Variants in LARGE1 observed in about 807,000 individuals in gnomAD.
The protein encoded by LARGE1 is LARGE xylosyl- and glucuronyltransferase 1, also known as xylosyl- and glucuronyltransferase LARGE1.
LARGE1 carries 43 observed loss-of-function variants against 87.6 expected under a neutral mutation model. The ratio of observed to expected loss-of-function variants is 0.49; its 90% CI spans 0.38 to 0.63. LARGE1 has a LOEUF of 0.63. Ranked by LOEUF, LARGE1 falls within the 30% of genes least tolerant of loss-of-function variation. LARGE1 has a pLI of 0.00. For missense variants in LARGE1, 802 were observed against 1,000.2 expected (o/e 0.80, Z 2.67); for synonymous variants, 434 against 394.6 (o/e 1.10, Z -1.18).
intron 10 of LARGE1, among the ~76,000 whole-genome samples, chr22:33,327,693 C>T (rs796159030): frequency 3.3e-5 from 5 of 152,242 alleles, no homozygotes; most frequent in African/African-American, 7.2e-5. Context: ...GTAGCTAGGA[C>T]CACAGGCATG....
chr22:33,348,280 A>ACCCC (rs11327050), intron 9 of LARGE1, among the ~76,000 whole-genome samples: 34 of 100,860 alleles, frequency 3.4e-4, no homozygotes, highest in Non-Finnish European at 4.7e-4. Context: ...TCCCCCACCC[A>ACCCC]CCCCCCCCCA....
the LARGE1 span, among the ~76,000 whole-genome samples, chr22:33,079,373 G>A: frequency 5.9e-5 from 9 of 151,474 alleles, no homozygotes; most frequent in Non-Finnish European, 1.0e-4. Flanking sequence ...GACTACAGGC[G>A]CCCGCCACCA....
At chr22:33,740,302 T>C (rs2083831453) in intron 2 of LARGE1, among the ~76,000 whole-genome samples, 1 of 152,360 alleles carries the variant, frequency 6.6e-6, no homozygotes, top group Admixed American at 6.5e-5. Context: ...CCGGCATACA[T>C]ACTTCTATTA....
chr22:33,498,834 G>A (rs1292679191), intron 6 of LARGE1, among the ~76,000 whole-genome samples: 1 of 152,048 alleles, frequency 6.6e-6, no homozygotes, highest in Non-Finnish European at 1.5e-5. Flanking sequence ...AGCCGGGAGT[G>A]GTGGCGGGGG....
intron 6 of LARGE1, among the ~76,000 whole-genome samples, chr22:33,527,874 G>A (rs1347059324): frequency 6.6e-6 from 1 of 152,206 alleles, no homozygotes; most frequent in African/African-American, 2.4e-5. Context: ...CTGGCTGTAG[G>A]CAGAGGTGGA....
At chr22:33,639,243 A>G (rs1166374650) in intron 3 of LARGE1, among the ~76,000 whole-genome samples, 1 of 152,178 alleles carries the variant, frequency 6.6e-6, no homozygotes, top group African/African-American at 2.4e-5. Context: ...TCTAAAAGAA[A>G]GGGAGGTTGG....
chr22:33,318,194 C>T (rs1197229929), intron 10 of LARGE1, among the ~76,000 whole-genome samples: 2 of 146,238 alleles, frequency 1.4e-5, no homozygotes, highest in African/African-American at 2.6e-5. Context: ...AAGATCATGA[C>T]ACTGCATGCC....
chr22:33,569,179 A>C (rs1338940136), intron 5 of LARGE1, among the ~76,000 whole-genome samples: 3 of 152,202 alleles, frequency 2.0e-5, no homozygotes, highest in Non-Finnish European at 4.4e-5. Flanking sequence ...GGCAATCATT[A>C]GTCCATGCTG....
intron 6 of LARGE1, among the ~76,000 whole-genome samples, chr22:33,468,725 T>A (rs5749613): frequency 0.22 from 32,748 of 151,974 alleles, 3,665 homozygotes; most frequent in Middle Eastern, 0.29. Context: ...CTACTTGTCC[T>A]AGGGCACACA....
chr22:33,274,118 A>G lies in LARGE1; in HGVS notation c.*309T>C, dbSNP rs1928679620. 5.7e-6 allele frequency: 3 copies of G among 526,774 alleles called. No individual in the cohort carries two copies. The highest frequency in any genetic ancestry group is 6.9e-6 in the Non-Finnish European group (2 of 291,902). 32.6% of individuals were successfully genotyped at this position (526,774 alleles called of 1,614,324 possible). ...CAGAACATCCTAAAGCCCTGCCCTGATCTTGTGGCTTTGCAGTAAGATGAT... is the reference window on the plus strand; with the variant it reads ...CAGAACATCCTAAAGCCCTGCCCTGGTCTTGTGGCTTTGCAGTAAGATGAT... On this transcript the variant is annotated 3_prime_UTR_variant, in exon 15 of 15. Transcript: ENST00000397394.
At chr22:33,886,028 C>CAATAAATAAATA (rs563644263) in intron 1 of LARGE1, among the ~76,000 whole-genome samples, 21 of 151,498 alleles carry the variant, frequency 1.4e-4, no homozygotes, top group African/African-American at 5.1e-4. Flanking sequence ...AGACTCTGGT[C>CAATAAATAAATA]AATAAATAAA....
At chr22:33,304,153 A>C (rs1411561093) in intron 12 of LARGE1, 76 bp downstream of exon 12, 120 of 1,528,508 alleles carry the variant, frequency 7.9e-5, no homozygotes, top group Non-Finnish European at 1.0e-4. Context: ...TGATGACCCT[A>C]AGGGCCTTTT....
intron 6 of LARGE1, among the ~76,000 whole-genome samples, chr22:33,441,386 A>T (rs1305756843): frequency 6.6e-6 from 1 of 151,860 alleles, no homozygotes; most frequent in East Asian, 1.9e-4. Context: ...TTTGAACTTT[A>T]ATATAATTCT....
At chr22:33,544,694 C>CAACAACAACAACAATA (rs1555952160) in intron 6 of LARGE1, among the ~76,000 whole-genome samples, 2 of 136,530 alleles carry the variant, frequency 1.5e-5, no homozygotes, top group East Asian at 3.9e-4. Flanking sequence ...AAACAACAAC[C>CAACAACAACAACAATA]ACAACAACAA....
At chr22:33,798,181 C>T (rs1250268477) in intron 1 of LARGE1, among the ~76,000 whole-genome samples, 2 of 152,138 alleles carry the variant, frequency 1.3e-5, no homozygotes, top group Admixed American at 6.5e-5. Flanking sequence ...AGCCCAGCTA[C>T]TCAGAGGCTG....
intron 4 of LARGE1, among the ~76,000 whole-genome samples, chr22:33,605,320 G>T (rs960907592): frequency 6.6e-6 from 1 of 152,112 alleles, no homozygotes; most frequent in Non-Finnish European, 1.5e-5. Flanking sequence ...TAGGAGCTGA[G>T]ATGTCTGATG....
the LARGE1 span, among the ~76,000 whole-genome samples, chr22:33,118,732 T>C: frequency 3.9e-4 from 60 of 152,324 alleles, no homozygotes; most frequent in African/African-American, 1.4e-3. Flanking sequence ...AGTTATTTCC[T>C]GGAGTTTAAC....
At chr22:33,591,858 A>AT (rs61494645) in intron 5 of LARGE1, among the ~76,000 whole-genome samples, 11,777 of 129,570 alleles carry the variant, frequency 0.091, 704 homozygotes, top group African/African-American at 0.15. Context: ...AAAAAAAAAA[A>AT]TTTTTTTTTT....
the LARGE1 span, among the ~76,000 whole-genome samples, chr22:33,113,936 T>C: frequency 6.6e-6 from 1 of 151,690 alleles, no homozygotes; most frequent in Non-Finnish European, 1.5e-5. Flanking sequence ...AGTGTTGCGA[T>C]CTTGGCTCAC....
Sources: allele counts gnomAD v4.1 joint callset (sites outside exome capture counted in the v4.1 genomes callset), GRCh38; gene constraint gnomAD v4.1.1; transcripts MANE v1.5; gene names NCBI Gene and HGNC (gene_info 2026-07-23, HGNC 2026-07-21).